The following GALNT17 variants were observed in gnomAD, a reference collection of about 807,000 sequenced individuals.
GALNT17 encodes the protein polypeptide N-acetylgalactosaminyltransferase 17.
A neutral mutation model predicts 63.7 loss-of-function variants in GALNT17; 29 were observed. The observed-to-expected ratio is 0.46, with a 90% CI of 0.34 to 0.62. The LOEUF is 0.62. Among genes scored for constraint, GALNT17 ranks in the 20% least tolerant of loss-of-function variants. The pLI is 0.01. For synonymous variants in GALNT17, 305 were observed against 318.3 expected (o/e 0.96, Z 0.45); for missense variants, 603 against 799.6 (o/e 0.75, Z 2.97).
chr7:71,643,991 A>C (rs1047654761), intron 6 of GALNT17, among the ~76,000 whole-genome samples: 10 of 152,288 alleles, frequency 6.6e-5, no homozygotes, highest in African/African-American at 2.2e-4. Flanking sequence ...GAAGCTGAAA[A>C]ATGAATTGTT....
intron 5 of GALNT17, among the ~76,000 whole-genome samples, chr7:71,445,021 T>A (rs1366765914): frequency 6.6e-6 from 1 of 151,840 alleles, no homozygotes; most frequent in African/African-American, 2.4e-5. Context: ...GAGGGTTTTA[T>A]GGGGGAATGG....
rs1352035086 is a variant in GALNT17 at position 71,421,047 on chromosome 7, A to G, written c.904A>G (p.Met302Val). Reference protein sequence around the residue: ...AHGYSWELWCMYISPPKDWWD... With the variant: ...AHGYSWELWCVYISPPKDWWD... ...CGGGTACAGCTGGGAGCTGTGGTGC[A>G]TGTACATCAGCCCCCCAAAAGACTG... Residue 302 changes from methionine (M) to valine (V), a missense_variant, in exon 5 of 11, where the codon ATG becomes GTG. Coordinates refer to ENST00000333538, the MANE Select transcript of GALNT17 (RefSeq NM_022479.3). The G allele has an allele frequency of 1.9e-6, 3 of 1,614,002 alleles. No homozygotes were observed. Among genetic ancestry groups the G allele is most frequent in the Non-Finnish European group, 2.5e-6 (3 of 1,180,012 alleles).
chr7:71,534,529 G>A (rs1788772596), intron 5 of GALNT17, among the ~76,000 whole-genome samples: 1 of 149,082 alleles, frequency 6.7e-6, no homozygotes, highest in African/African-American at 2.5e-5. Flanking sequence ...AACCCAGGAG[G>A]CAGAATTTGC....
intron 1 of GALNT17, among the ~76,000 whole-genome samples, chr7:71,142,504 C>G (rs962176736): frequency 6.6e-6 from 1 of 152,218 alleles, no homozygotes. Flanking sequence ...TCATTCATAT[C>G]CGTTAGTGAG....
intron 5 of GALNT17, among the ~76,000 whole-genome samples, chr7:71,497,957 T>C (rs1788122467): frequency 6.6e-6 from 1 of 152,128 alleles, no homozygotes; most frequent in African/African-American, 2.4e-5. Context: ...TACAGCATGA[T>C]TGGATTTTAA....
intron 3 of GALNT17, among the ~76,000 whole-genome samples, chr7:71,410,173 G>A (rs1793405058): frequency 6.6e-6 from 1 of 152,060 alleles, no homozygotes; most frequent in East Asian, 1.9e-4. Flanking sequence ...TGATGAAACA[G>A]GTCAGAGACT....
At chr7:71,390,609 T>G (rs1406452144) in intron 3 of GALNT17, among the ~76,000 whole-genome samples, 1 of 152,206 alleles carries the variant, frequency 6.6e-6, no homozygotes, top group Non-Finnish European at 1.5e-5. Context: ...CTCTCTGCTC[T>G]GTGGCCTTTC....
chr7:71,271,535 T>C (rs1790588808), intron 1 of GALNT17, among the ~76,000 whole-genome samples: 1 of 152,206 alleles, frequency 6.6e-6, no homozygotes, highest in African/African-American at 2.4e-5. Flanking sequence ...GGAAATGAAG[T>C]AAAAAATCTC....
At chr7:71,363,189 A>G (rs1792438741) in intron 2 of GALNT17, among the ~76,000 whole-genome samples, 1 of 150,948 alleles carries the variant, frequency 6.6e-6, no homozygotes, top group African/African-American at 2.4e-5. Flanking sequence ...CTGGTCTTGA[A>G]CTCCTGACCT....
chr7:71,229,132 A>G (rs1285721767), intron 1 of GALNT17, among the ~76,000 whole-genome samples: 1 of 152,166 alleles, frequency 6.6e-6, no homozygotes, highest in Non-Finnish European at 1.5e-5. Flanking sequence ...CGGGTGCTGC[A>G]TTGTGACAGC....
At chr7:71,711,523 C>G (rs1459021442) in intron 10 of GALNT17, among the ~76,000 whole-genome samples, 1 of 151,030 alleles carries the variant, frequency 6.6e-6, no homozygotes, top group Non-Finnish European at 1.5e-5. Flanking sequence ...CTCTCCCTCT[C>G]TCTCCCTCTC....
At chr7:71,229,073 C>T (rs996090758) in intron 1 of GALNT17, among the ~76,000 whole-genome samples, 6 of 152,226 alleles carry the variant, frequency 3.9e-5, no homozygotes, top group African/African-American at 7.2e-5. Flanking sequence ...CTTCCTTCAC[C>T]GACAGAGCAG....
chr7:71,554,399 C>T (rs899135628), intron 5 of GALNT17, among the ~76,000 whole-genome samples: 3 of 152,160 alleles, frequency 2.0e-5, no homozygotes, highest in African/African-American at 7.2e-5. Context: ...GATGGTGAGG[C>T]CTCCCAAGCC....
chr7:71,476,168 G>T lies in GALNT17; in HGVS notation c.962+55063G>T, dbSNP rs118187334. On this transcript the variant is annotated intron_variant, in intron 5 of 10. Coordinates refer to ENST00000333538, the MANE Select transcript of GALNT17 (RefSeq NM_022479.3). ...GGGATTATGAGTGGGAACTCCTTGG[G>T]AACACCCAGGAGTTCAAGGCTGCAG... is the stretch of plus-strand genomic sequence containing the variant. Among the ~76,000 whole-genome samples, 37 of 152,284 alleles carry T rather than the reference G, an allele frequency of 2.4e-4. No homozygotes were observed. In the East Asian group the frequency reaches 7.0e-3, roughly 29 times the overall value.
At chr7:71,147,809 T>C (rs950060494) in intron 1 of GALNT17, among the ~76,000 whole-genome samples, 1 of 152,012 alleles carries the variant, frequency 6.6e-6, no homozygotes, top group Non-Finnish European at 1.5e-5. Context: ...TTTTTTGTAT[T>C]TTTAGTAGAG....
At position 71,568,481 on chromosome 7, in the gene GALNT17, A is replaced by G. The variant is rs561569630; in HGVS notation, c.963-2804A>G. On this transcript the variant is annotated intron_variant, in intron 5 of 10. Transcript: ENST00000333538. ...CTCGGATGACAGAGGCATGTCTGCT[A>G]TTTTCCCATCTGCTACAGCACCAGC... Among the ~76,000 whole-genome samples, 5 of 152,282 alleles carry G rather than the reference A, an allele frequency of 3.3e-5. No homozygotes were observed. The East Asian group carries it at 9.7e-4, about 29-fold the overall frequency.
At chr7:71,219,781 T>G (rs10227106) in intron 1 of GALNT17, among the ~76,000 whole-genome samples, 6,317 of 152,286 alleles carry the variant, frequency 0.041, 438 homozygotes, top group African/African-American at 0.14. Flanking sequence ...CCTCATATTT[T>G]TATTTTCCTC....
intron 1 of GALNT17, among the ~76,000 whole-genome samples, chr7:71,211,285 C>G (rs190867225): frequency 2.0e-5 from 3 of 152,146 alleles, no homozygotes; most frequent in Non-Finnish European, 4.4e-5. Flanking sequence ...CTCACGAGAT[C>G]TGATGGGTTT....
At chr7:71,653,593 G>T (rs1224288164) in intron 6 of GALNT17, among the ~76,000 whole-genome samples, 1 of 147,090 alleles carries the variant, frequency 6.8e-6, no homozygotes, top group Non-Finnish European at 1.5e-5. Flanking sequence ...TTTTAGTAGA[G>T]ACAGGGTTTC....
Sources: allele counts gnomAD v4.1 joint callset (sites outside exome capture counted in the v4.1 genomes callset), GRCh38; gene constraint gnomAD v4.1.1; transcripts MANE v1.5; gene names NCBI Gene and HGNC (gene_info 2026-07-23, HGNC 2026-07-21).